The following MCTP2 variants were observed in gnomAD, a reference collection of about 807,000 sequenced individuals.
MCTP2 encodes multiple C2 and transmembrane domain-containing protein 2.
A neutral mutation model predicts 111.6 loss-of-function variants in MCTP2; 132 were observed. That is an observed-to-expected ratio of 1.18 (90% CI 1.03 to 1.37). The LOEUF (loss-of-function observed/expected upper bound fraction) is 1.37. MCTP2 is among the 40% of genes most tolerant of loss of function. The pLI, the probability that MCTP2 is intolerant of heterozygous loss-of-function variation, is 0.00. For missense variants in MCTP2, 1,183 were observed against 1,067.9 expected (o/e 1.11, Z -1.50); for synonymous variants, 395 against 387.7 (o/e 1.02, Z -0.22).
rs377351395 is a variant in MCTP2, at chr15:94,425,489, T to C, written c.2086-14687T>C. Among the ~76,000 whole-genome samples the C allele has an allele frequency of 1.5e-3, 233 of 152,138 alleles. 1 individual carries two copies. The highest frequency in any genetic ancestry group is 5.3e-3 in the African/African-American group (221 of 41,514). On this transcript the variant is annotated intron_variant, in intron 17 of 22. Transcript: ENST00000357742. The stretch of plus-strand genomic sequence containing the variant: ...TGAAAGTAAGTCAGAGGCAAACTTA[T>C]TAACTTTCAAAATCAATACATTATA...
At chr15:94,241,549 C>A (rs779676861) in intron 1 of MCTP2, among the ~76,000 whole-genome samples, 1 of 152,066 alleles carries the variant, frequency 6.6e-6, no homozygotes, top group Non-Finnish European at 1.5e-5. Context: ...TGACTTAGTA[C>A]TTACAAGGCA....
rs118184716 is a variant in MCTP2, at chr15:94,303,214, A to G, written c.465+4484A>G. ...ATATGTTTATTAAATATTATCTCACATGATCACACGGTCCCACAATAGGCC... is the reference window on the plus strand; with the variant it reads ...ATATGTTTATTAAATATTATCTCACGTGATCACACGGTCCCACAATAGGCC... On this transcript the variant is annotated intron_variant, in intron 2 of 22. Transcript: ENST00000357742. Among the ~76,000 whole-genome samples the G allele has an allele frequency of 1.3e-4, 16 of 126,376 alleles. No homozygotes were observed. In the East Asian group the frequency reaches 3.2e-3, roughly 25 times the overall value. The allele number at this position is 126,376 out of a possible 152,430, so 82.9% of individuals were successfully genotyped here. A position where few individuals can be genotyped will look rare whatever the true frequency, so the allele number is the denominator to read the frequency against.
intron 18 of MCTP2, among the ~76,000 whole-genome samples, chr15:94,441,659 A>G (rs975132572): frequency 1.3e-5 from 2 of 152,242 alleles, no homozygotes; most frequent in African/African-American, 4.8e-5. Flanking sequence ...TAACACAACT[A>G]TGAGGGAGGC....
chr15:94,394,062 AAAAAAAAAAAT>A (rs2081145800), intron 14 of MCTP2, among the ~76,000 whole-genome samples: 1 of 151,622 alleles, frequency 6.6e-6, no homozygotes, highest in South Asian at 2.1e-4. Context: ...AAAAAAAAAA[AAAAAAAAAAAT>A]GTAAAAAACG....
intron 8 of MCTP2, 116 bp from the exon 9 acceptor site, chr15:94,356,021 G>C: frequency 7.2e-7 from 1 of 1,386,850 alleles, no homozygotes; most frequent in Non-Finnish European, 9.4e-7. Context: ...GTTTTCCCCA[G>C]GCAGGGAGGA....
chr15:94,411,400 C>A lies in MCTP2; in HGVS notation c.2085+9381C>A, dbSNP rs565777812. 2.6e-5 allele frequency among the ~76,000 whole-genome samples: 4 copies of A among 151,598 alleles called. No individual in the cohort carries two copies. In the East Asian group the frequency reaches 7.8e-4, roughly 30 times the overall value. On this transcript the variant is annotated intron_variant, in intron 17 of 22. Transcript: ENST00000357742. ...GGCTCCCCATCAGGTGGCATGTGCTCGCCATTGTCTGGCTGTGCTTGGCAA... is the reference window on the plus strand; with the variant it reads ...GGCTCCCCATCAGGTGGCATGTGCTAGCCATTGTCTGGCTGTGCTTGGCAA...
At chr15:94,395,062 A>G (rs1379353233) in intron 14 of MCTP2, among the ~76,000 whole-genome samples, 5 of 152,206 alleles carry the variant, frequency 3.3e-5, no homozygotes, top group Admixed American at 6.5e-5. Context: ...TGCTGTTTGT[A>G]TAACTCACAT....
At chr15:94,243,593 ATATG>A (rs374275191) in intron 1 of MCTP2, among the ~76,000 whole-genome samples, 27 of 150,194 alleles carry the variant, frequency 1.8e-4, no homozygotes, top group African/African-American at 5.6e-4. Context: ...GTATATTTGT[ATATG>A]TATGTATACA....
intron 1 of MCTP2, among the ~76,000 whole-genome samples, chr15:94,261,195 T>C (rs2073158526): frequency 6.6e-6 from 1 of 152,212 alleles, no homozygotes; most frequent in Non-Finnish European, 1.5e-5. Flanking sequence ...ATGTGTCTCA[T>C]GTCTCCCTAA....
At position 94,402,021 on chromosome 15, in the gene MCTP2, T is replaced by C. The variant is rs959082220; in HGVS notation, c.2085+2T>C. The C allele has an allele frequency of 1.2e-6, 2 of 1,609,318 alleles. No individual in the cohort carries two copies. The highest frequency in any genetic ancestry group is 2.7e-5 in the African/African-American group (2 of 74,684). Reference sequence around the variant, plus strand: ...TTAAGAAGTACAATAGCATTCGCGGTAAGCTTCCTTTCTTATGTTCAAACT... The same window carrying C: ...TTAAGAAGTACAATAGCATTCGCGGCAAGCTTCCTTTCTTATGTTCAAACT... On this transcript the variant is annotated splice_donor_variant, in intron 17 of 22. Transcript: ENST00000357742. LOFTEE classifies it high-confidence loss of function.
At chr15:94,386,984 C>A (rs2080527644) in intron 14 of MCTP2, among the ~76,000 whole-genome samples, 1 of 152,038 alleles carries the variant, frequency 6.6e-6, no homozygotes, top group Non-Finnish European at 1.5e-5. Flanking sequence ...AAAAAAAAGT[C>A]AAAGTGTGTG....
intron 22 of MCTP2, among the ~76,000 whole-genome samples, chr15:94,478,366 G>A (rs975061269): frequency 1.3e-5 from 2 of 152,176 alleles, no homozygotes; most frequent in Non-Finnish European, 2.9e-5. Context: ...TCCGTGTATC[G>A]CCAAGGGCGC....
chr15:94,453,993 C>G (rs916064815), intron 19 of MCTP2, among the ~76,000 whole-genome samples: 61 of 152,244 alleles, frequency 4.0e-4, no homozygotes, highest in African/African-American at 1.3e-3. Flanking sequence ...TAATTTATAT[C>G]ATTTTCCACT....
At chr15:94,254,410 A>G (rs1354213777) in intron 1 of MCTP2, among the ~76,000 whole-genome samples, 1 of 152,170 alleles carries the variant, frequency 6.6e-6, no homozygotes, top group African/African-American at 2.4e-5. Flanking sequence ...CTGGCTGACA[A>G]GTTGCTTCAT....
At chr15:94,427,202 T>C (rs1392297808) in intron 17 of MCTP2, among the ~76,000 whole-genome samples, 5 of 152,188 alleles carry the variant, frequency 3.3e-5, no homozygotes, top group Admixed American at 1.3e-4. Context: ...CTCCAATTTT[T>C]GCCTCCCCAG....
In MCTP2 at chr15:94,340,186, G is replaced by C. The variant is rs753132419; in HGVS notation, c.781-13G>C. On this transcript the variant is annotated splice_polypyrimidine_tract_variant and intron_variant, in intron 5 of 22. Transcript: ENST00000357742. ...CATAATAATGTGTTAATTGACCTCT[G>C]TCCTCTTTGTAGGTATATGATCGAG... The C allele has an allele frequency of 4.7e-5, 75 of 1,593,668 alleles. No individual in the cohort carries two copies. In the South Asian group the frequency reaches 7.8e-4, roughly 16 times the overall value.
chr15:94,425,522 C>T (rs1455327644), intron 17 of MCTP2, among the ~76,000 whole-genome samples: 1 of 151,412 alleles, frequency 6.6e-6, no homozygotes, highest in African/African-American at 2.4e-5. Context: ...ATAAAAAAAA[C>T]AGCAGAATGA....
chr15:94,394,061 AAAAAAAAAAAAT>A (rs1013265366), intron 14 of MCTP2, among the ~76,000 whole-genome samples: 1 of 151,604 alleles, frequency 6.6e-6, no homozygotes, highest in Non-Finnish European at 1.5e-5. Context: ...AAAAAAAAAA[AAAAAAAAAAAAT>A]GTAAAAAACG....
At chr15:94,341,188 T>C in intron 7 of MCTP2, 1 of 381,802 alleles carries the variant, frequency 2.6e-6, no homozygotes, top group South Asian at 3.2e-5. Context: ...TGGTTTCTTC[T>C]TTCTTCTTTT....
Sources: gnomAD v4.1 joint callset for allele counts (sites outside exome capture counted in the v4.1 genomes callset) on GRCh38, gnomAD v4.1.1 for gene constraint, MANE v1.5 for transcripts, NCBI Gene and HGNC (gene_info 2026-07-23, HGNC 2026-07-21) for gene names.